Variants in CADPS2 observed in about 807,000 individuals in gnomAD.
CADPS2 encodes calcium dependent secretion activator 2.
CADPS2 carries 93 observed loss-of-function variants against 172.5 expected under a neutral mutation model. The observed-to-expected ratio is 0.54, with a 90% confidence interval of 0.46 to 0.64. The LOEUF is 0.64. Among genes scored for constraint, CADPS2 ranks in the 30% least tolerant of loss-of-function variants. The probability of loss-of-function intolerance (pLI) is 0.00; values close to 1 mark genes in which losing one functional copy is unlikely to be tolerated. For synonymous variants in CADPS2, 546 were observed against 555.2 expected (o/e 0.98, Z 0.23); for missense variants, 1,420 against 1,565.9 (o/e 0.91, Z 1.57).
chr7:122,623,836 T>C (rs77852222), intron 4 of CADPS2, among the ~76,000 whole-genome samples: 4,197 of 152,296 alleles, frequency 0.028, 83 homozygotes, highest in South Asian at 0.092. Context: ...GCATGTCACG[T>C]ATCTGAAAGT....
Position 122,637,208 on chromosome 7 carries a change from T to TTTTTTTTTTCTC in CADPS2, c.787-7881_787-7880insGAGAAAAAAAAA, listed in dbSNP as rs778963218. Among the ~76,000 whole-genome samples, 63 of 62,690 alleles carry TTTTTTTTTTCTC rather than the reference T, an allele frequency of 1.0e-3. 10 individuals carry two copies. Among genetic ancestry groups the TTTTTTTTTTCTC allele is most frequent in the African/African-American group, 2.0e-3 (32 of 16,068 alleles). The allele number at this position is 62,690 out of a possible 152,430, so 41.1% of individuals were successfully genotyped here. On this transcript the variant is annotated intron_variant, in intron 3 of 29. Transcript: ENST00000449022. ...TTTTTTTTTTTTTTTTTTTTTTTTTTCCTGAGACAGGGTCTCACTCTGTGG... is the reference window on the plus strand; with the variant it reads ...TTTTTTTTTTTTTTTTTTTTTTTTTTTTTTTTTTTCTCCCTGAGACAGGGTCTCACTCTGTGG...
At chr7:122,761,916 T>C (rs2093393462) in intron 1 of CADPS2, among the ~76,000 whole-genome samples, 1 of 149,274 alleles carries the variant, frequency 6.7e-6, no homozygotes, top group South Asian at 2.1e-4. Context: ...AAGATTCTCT[T>C]GAACCCAGGA....
chr7:122,382,890 C>A (rs1470072657), intron 24 of CADPS2, among the ~76,000 whole-genome samples: 1 of 152,098 alleles, frequency 6.6e-6, no homozygotes, highest in Non-Finnish European at 1.5e-5. Context: ...CTGTGGAAAG[C>A]AGTTTGAAGA....
intron 8 of CADPS2, among the ~76,000 whole-genome samples, chr7:122,539,470 T>C (rs1417590417): frequency 6.6e-6 from 1 of 152,056 alleles, no homozygotes; most frequent in Non-Finnish European, 1.5e-5. Flanking sequence ...CAGATACCTA[T>C]GTGGGCAGGA....
chr7:122,751,824 T>C (rs2092964639), intron 1 of CADPS2, among the ~76,000 whole-genome samples: 1 of 152,206 alleles, frequency 6.6e-6, no homozygotes, highest in African/African-American at 2.4e-5. Context: ...CAGGCTATGG[T>C]ATATGCATTT....
At chr7:122,750,299 C>A (rs965508589) in intron 1 of CADPS2, among the ~76,000 whole-genome samples, 1 of 151,920 alleles carries the variant, frequency 6.6e-6, no homozygotes, top group African/African-American at 2.4e-5. Flanking sequence ...ATCATCAGTG[C>A]AGAATAAATT....
intron 2 of CADPS2, chr7:122,698,932 G>A (rs201538143): frequency 1.2e-4 from 192 of 1,543,656 alleles, no homozygotes; most frequent in Non-Finnish European, 1.6e-4. Context: ...TCTCTTCTCC[G>A]AGTGACTTAA....
At chr7:122,597,539 T>G (rs2072026172) in intron 6 of CADPS2, among the ~76,000 whole-genome samples, 1 of 152,036 alleles carries the variant, frequency 6.6e-6, no homozygotes, top group Non-Finnish European at 1.5e-5. Context: ...TATAGAATAC[T>G]CCACACGAAT....
chr7:122,374,325 TAAG>T (rs2042095388), intron 25 of CADPS2, among the ~76,000 whole-genome samples: 1 of 152,126 alleles, frequency 6.6e-6, no homozygotes, highest in African/African-American at 2.4e-5. Context: ...CTTTTTTCTC[TAAG>T]ATACAGCATG....
At chr7:122,592,851 G>C (rs1231472999) in intron 6 of CADPS2, among the ~76,000 whole-genome samples, 2 of 144,818 alleles carry the variant, frequency 1.4e-5, no homozygotes, top group African/African-American at 4.9e-5. Context: ...GATGGGGGGA[G>C]GGGGGAGGAA....
intron 1 of CADPS2, among the ~76,000 whole-genome samples, chr7:122,745,129 G>C (rs755617691): frequency 6.6e-6 from 1 of 151,960 alleles, no homozygotes; most frequent in Admixed American, 6.6e-5. Context: ...GTGTCTGTGT[G>C]TGTGTGTGCA....
chr7:122,657,090 G>T (rs146358537), intron 3 of CADPS2, among the ~76,000 whole-genome samples: 2 of 152,018 alleles, frequency 1.3e-5, no homozygotes, highest in African/African-American at 4.8e-5. Context: ...TCTTGTTTTT[G>T]TCAGGTTTGT....
chr7:122,527,617 A>AGAGAGT, intron 8 of CADPS2, among the ~76,000 whole-genome samples: 96 of 83,884 alleles, frequency 1.1e-3, no homozygotes, highest in South Asian at 1.7e-3. Context: ...AGAGAGAGAG[A>AGAGAGT]GTGTGTGTGT....
In CADPS2 at chr7:122,410,671, A is replaced by C. The variant is rs550693235; in HGVS notation, c.2590-2975T>G. Among the ~76,000 whole-genome samples the C allele has an allele frequency of 2.0e-5, 3 of 152,314 alleles. 1 individual carries two copies. In the South Asian group the frequency reaches 6.2e-4, roughly 32 times the overall value. On this transcript the variant is annotated intron_variant, in intron 19 of 29. Coordinates refer to ENST00000449022, the MANE Select transcript of CADPS2 (RefSeq NM_017954.11). ...GCTGTGAAAATCAAATAAATATAAA[A>C]GTTTATTGCTGTGCAAATGTAATAA...
intron 1 of CADPS2, among the ~76,000 whole-genome samples, chr7:122,770,798 C>T (rs2093685550): frequency 1.3e-5 from 2 of 152,278 alleles, no homozygotes; most frequent in East Asian, 1.9e-4. Flanking sequence ...GAGGCAGAAG[C>T]ATCAGCAGGT....
intron 9 of CADPS2, among the ~76,000 whole-genome samples, chr7:122,496,151 T>G (rs890876934): frequency 6.6e-6 from 1 of 152,078 alleles, no homozygotes; most frequent in Non-Finnish European, 1.5e-5. Flanking sequence ...TTTGGGATAT[T>G]TATCTCTTTA....
At chr7:122,778,611 G>C (rs948522386) in intron 1 of CADPS2, among the ~76,000 whole-genome samples, 1 of 152,204 alleles carries the variant, frequency 6.6e-6, no homozygotes, top group African/African-American at 2.4e-5. Context: ...CTAGGGACTT[G>C]GTGCCCTGTG....
intron 16 of CADPS2, among the ~76,000 whole-genome samples, chr7:122,440,005 T>C (rs900367669): frequency 1.3e-5 from 2 of 152,154 alleles, no homozygotes; most frequent in Non-Finnish European, 2.9e-5. Flanking sequence ...AAAAGGGAGA[T>C]GCCAACCTCG....
At chr7:122,823,532 G>A (rs1803999951) in intron 1 of CADPS2, among the ~76,000 whole-genome samples, 1 of 151,962 alleles carries the variant, frequency 6.6e-6, no homozygotes, top group African/African-American at 2.4e-5. Flanking sequence ...CGTGCTTATA[G>A]GCAGATTCTA....
Sources: allele counts gnomAD v4.1 joint callset (sites outside exome capture counted in the v4.1 genomes callset), GRCh38; gene constraint gnomAD v4.1.1; transcripts MANE v1.5; gene names NCBI Gene and HGNC (gene_info 2026-07-23, HGNC 2026-07-21).